Variants in DPYSL5 observed in about 807,000 individuals in gnomAD.
DPYSL5 encodes the protein dihydropyrimidinase like 5.
DPYSL5 carries 9 observed loss-of-function variants against 58.4 expected under a neutral mutation model. That is an observed-to-expected ratio of 0.15 (90% confidence interval 0.09 to 0.27). DPYSL5 has a LOEUF of 0.27. Among genes scored for constraint, DPYSL5 ranks in the 10% least tolerant of loss-of-function variants. The pLI is 1.00. For synonymous variants in DPYSL5, 293 were observed against 301.9 expected, an observed-to-expected ratio of 0.97 and a Z score of 0.31; for missense variants, 499 against 770.6, an observed-to-expected ratio of 0.65 and a Z score of 4.17.
chr2:26,888,217 C>CTTTG (rs1240257841), intron 1 of DPYSL5, among the ~76,000 whole-genome samples: 2 of 87,144 alleles, frequency 2.3e-5, no homozygotes, highest in Non-Finnish European at 4.9e-5. Context: ...TCTTTTCTTT[C>CTTTG]TTTCTTTCTT....
chr2:26,937,933 T>C lies in DPYSL5; in HGVS notation c.948-2098T>C, dbSNP rs112752763. Among the ~76,000 whole-genome samples, 745 of 152,260 alleles carry C rather than the reference T, an allele frequency of 4.9e-3. 6 individuals carry two copies. Among genetic ancestry groups the C allele is most frequent in the African/African-American group, 0.017 (709 of 41,550 alleles). On this transcript the variant is annotated intron_variant, in intron 8 of 12. Transcript: ENST00000288699. ...GTTGCCCATGCTGGCCTCAAACTCC[T>C]GACCTCAACTGATCCACCCGCCTCG...
intron 9 of DPYSL5, 90 bp downstream of exon 9, chr2:26,940,262 C>T: frequency 1.4e-6 from 2 of 1,456,790 alleles, no homozygotes; most frequent in Non-Finnish European, 9.2e-7. Flanking sequence ...ATTCACTCCT[C>T]AGATCCTGTC....
Position 26,932,184 on chromosome 2 carries a change from AAAGAAAGAAAGAAAGAAAGAAAGAAAAG to A in DPYSL5, c.714+503_714+530del, listed in dbSNP as rs1177516676. Among the ~76,000 whole-genome samples the A allele has an allele frequency of 1.9e-3, 142 of 75,902 alleles. 5 individuals carry two copies. The highest frequency in any genetic ancestry group is 5.9e-3 in the East Asian group (16 of 2,732). 49.8% of individuals were successfully genotyped at this position (75,902 alleles called of 152,430 possible). On this transcript the variant is annotated intron_variant, in intron 6 of 12. Transcript: ENST00000288699. Reference sequence around the variant, plus strand: ...GAAAGAAAGAAAGAAAGAAAGAAAGAAAGAAAGAAAGAAAGAAAGAAAGAAAAGAAAGAAAGAAAGAAAGAAAGAAAAC... The same window carrying A: ...GAAAGAAAGAAAGAAAGAAAGAAAGAAAAGAAAGAAAGAAAGAAAGAAAAC...
At chr2:26,928,687 G>GTGTGTATATATATATATA (rs143828804) in intron 5 of DPYSL5, among the ~76,000 whole-genome samples, 2 of 60,682 alleles carry the variant, frequency 3.3e-5, no homozygotes, top group African/African-American at 5.9e-5. Flanking sequence ...AGGTGATAGA[G>GTGTGTATATATATATATA]TATATATATA....
At chr2:26,940,924 T>TATA (rs1665299826) in intron 9 of DPYSL5, among the ~76,000 whole-genome samples, 1 of 124,006 alleles carries the variant, frequency 8.1e-6, no homozygotes, top group Admixed American at 9.4e-5. Flanking sequence ...TGATTATTAT[T>TATA]ATTATTATTA....
At chr2:26,897,250 A>G (rs1003735612) in intron 1 of DPYSL5, among the ~76,000 whole-genome samples, 1 of 152,188 alleles carries the variant, frequency 6.6e-6, no homozygotes, top group Non-Finnish European at 1.5e-5. Flanking sequence ...GCTGTAGAGG[A>G]AAGTATTTAG....
chr2:26,902,300 A>G (rs112399616), intron 2 of DPYSL5, among the ~76,000 whole-genome samples: 4 of 152,012 alleles, frequency 2.6e-5, no homozygotes, highest in African/African-American at 9.6e-5. Flanking sequence ...AGTCTCTTTC[A>G]TATGTATCTA....
intron 2 of DPYSL5, among the ~76,000 whole-genome samples, chr2:26,921,237 C>G (rs1286569428): frequency 6.6e-6 from 1 of 152,186 alleles, no homozygotes; most frequent in Non-Finnish European, 1.5e-5. Flanking sequence ...GGCGTGGTGG[C>G]TCACGCCTGT....
chr2:26,872,111 G>A (rs143512576), intron 1 of DPYSL5, among the ~76,000 whole-genome samples: 1 of 152,286 alleles, frequency 6.6e-6, no homozygotes, highest in East Asian at 1.9e-4. Flanking sequence ...TTAAGTCCGG[G>A]CACGTGTACC....
At position 26,947,083 on chromosome 2, in the gene DPYSL5, G is replaced by A. The variant is rs1256825677; in HGVS notation, c.*88G>A. On this transcript the variant is annotated 3_prime_UTR_variant, in exon 13 of 13. Coordinates refer to ENST00000288699, the MANE Select transcript of DPYSL5 (RefSeq NM_020134.4). This position sits in a 1 kb window ranked among gnomAD's most constrained non-coding sequence, Gnocchi z 4.2. ...GAAGCTGCAGGGGCAGGAGAGGCTG[G>A]GCTGGGTGGCACACCACCCGAGGGG... The A allele has an allele frequency of 1.7e-6, 2 of 1,210,388 alleles. No homozygotes were observed. The highest frequency in any genetic ancestry group is 1.3e-5 in the South Asian group (1 of 75,020). 75.0% of individuals were successfully genotyped at this position (1,210,388 alleles called of 1,614,324 possible). A position where few individuals can be genotyped will look rare whatever the true frequency, so the allele number is the denominator to read the frequency against.
chr2:26,912,679 C>T (rs1664472292), intron 2 of DPYSL5, among the ~76,000 whole-genome samples: 1 of 152,230 alleles, frequency 6.6e-6, no homozygotes, highest in South Asian at 2.1e-4. Flanking sequence ...CCAGCCGGCT[C>T]CGTACTGTGG....
At chr2:26,882,812 C>G (rs1039657471) in intron 1 of DPYSL5, among the ~76,000 whole-genome samples, 8 of 150,250 alleles carry the variant, frequency 5.3e-5, no homozygotes, top group Non-Finnish European at 8.8e-5. Flanking sequence ...ACTCAGGAGG[C>G]TGAGGTGGGA....
At chr2:26,888,396 G>A (rs1252631858) in intron 1 of DPYSL5, among the ~76,000 whole-genome samples, 1 of 151,908 alleles carries the variant, frequency 6.6e-6, no homozygotes, top group Non-Finnish European at 1.5e-5. Context: ...TCAGCCTCCC[G>A]AGTAGCTGGG....
intron 1 of DPYSL5, among the ~76,000 whole-genome samples, chr2:26,865,407 G>A (rs923983216): frequency 2.2e-5 from 3 of 139,068 alleles, no homozygotes; most frequent in African/African-American, 8.0e-5. Context: ...TGCAACCTCC[G>A]CCTCCCAGGT....
Position 26,934,030 on chromosome 2 carries a change from C to T in DPYSL5, c.791-548C>T, listed in dbSNP as rs1292000295. Among the ~76,000 whole-genome samples the T allele has an allele frequency of 2.6e-5, 4 of 152,060 alleles. No individual in the cohort carries two copies. Among genetic ancestry groups the T allele is most frequent in the Admixed American group, 6.6e-5 (1 of 15,254 alleles). On this transcript the variant is annotated intron_variant, in intron 7 of 12. Coordinates refer to ENST00000288699, the MANE Select transcript of DPYSL5 (RefSeq NM_020134.4). This position sits in a 1 kb window ranked among gnomAD's most constrained non-coding sequence, Gnocchi z 4.3. The stretch of plus-strand genomic sequence containing the variant: ...TTCAACTCTATCGCCCTCTAGATCC[C>T]GCCACCTGCCTCTCCCCTCACTGAA...
intron 2 of DPYSL5, among the ~76,000 whole-genome samples, chr2:26,901,772 C>G: frequency 6.7e-6 from 1 of 149,238 alleles, no homozygotes; most frequent in East Asian, 2.0e-4. Context: ...ACCCCACCCC[C>G]GCCCCGCCCC....
rs761018813 is a variant in DPYSL5, at chr2:26,898,637, C to T, written c.138C>T (p.Gly46=). ...TGGGCCGCGAGCTCATGATCCCTGG[C>T]GGGGCCAAGGTGATTGATGCCACAG... ...QQVGRELMIP[G]GAKVIDATGK... is the part of the protein sequence containing the mutation. Residue 46 remains glycine, a synonymous_variant, in exon 2 of 13, where the codon GGC becomes GGT. Coordinates refer to ENST00000288699, the MANE Select transcript of DPYSL5 (RefSeq NM_020134.4). The surrounding 1 kb of genome is among the most constrained non-coding windows in gnomAD (Gnocchi z 6.1). The T allele has an allele frequency of 2.6e-5, 42 of 1,614,032 alleles. No individual in the cohort carries two copies. Among genetic ancestry groups the T allele is most frequent in the African/African-American group, 9.3e-5 (7 of 74,904 alleles).
intron 1 of DPYSL5, among the ~76,000 whole-genome samples, chr2:26,881,263 T>C (rs486582): frequency 0.44 from 67,141 of 151,966 alleles, 15,301 homozygotes; most frequent in Admixed American, 0.55. Context: ...GAAATCCAGA[T>C]GCGATCAGCC....
At chr2:26,897,775 T>C (rs1029296167) in intron 1 of DPYSL5, among the ~76,000 whole-genome samples, 2 of 152,328 alleles carry the variant, frequency 1.3e-5, no homozygotes, top group Middle Eastern at 3.4e-3. Context: ...TTGAAAACTG[T>C]TGATGCTGTG....
Sources: allele counts gnomAD v4.1 joint callset (sites outside exome capture counted in the v4.1 genomes callset), GRCh38; gene constraint gnomAD v4.1.1; non-coding constraint Gnocchi (gnomAD v3.1); transcripts MANE v1.5; gene names NCBI Gene and HGNC (gene_info 2026-07-23, HGNC 2026-07-21).